The following WDR11 variants were observed in gnomAD, a reference collection of about 807,000 sequenced individuals.
WDR11 encodes the protein WD repeat-containing protein 11.
Under a neutral mutation model 151.2 loss-of-function variants are expected in WDR11, and 83 were observed. That is an observed-to-expected ratio of 0.55 (90% CI 0.46 to 0.66). The LOEUF is 0.66. WDR11 is among the 30% of genes least tolerant of loss of function. WDR11 has a pLI of 0.00. For synonymous variants in WDR11, 484 were observed against 533.1 expected, an observed-to-expected ratio of 0.91 and a Z score of 1.27; for missense variants, 1,301 against 1,480.9, an observed-to-expected ratio of 0.88 and a Z score of 1.99.
chr10:120,896,216 C>T (rs899248133), intron 19 of WDR11, among the ~76,000 whole-genome samples: 3 of 152,088 alleles, frequency 2.0e-5, no homozygotes, highest in African/African-American at 7.2e-5. Context: ...GTATAGCCTG[C>T]TTGTGTACAA....
At chr10:120,862,706 T>C (rs1206975588) in intron 4 of WDR11, 29 bp from the exon 5 acceptor site, 7 of 1,610,606 alleles carry the variant, frequency 4.3e-6, no homozygotes, top group Non-Finnish European at 5.9e-6. Context: ...CATTAAACTT[T>C]AATCAGAGTT....
chr10:120,908,385 C>CCT (rs1316534320), intron 28 of WDR11, 171 bp from the exon 29 acceptor site: 4 of 682,944 alleles, frequency 5.9e-6, no homozygotes, highest in African/African-American at 1.8e-5. Context: ...CGGGAATCAC[C>CCT]CTCTGCCCGC....
chr10:120,886,970 G>A lies in WDR11; in HGVS notation c.2121+134G>A, dbSNP rs985506159. 58 of 939,676 alleles carry A rather than the reference G, an allele frequency of 6.2e-5. 1 individual carries two copies. The highest frequency in any genetic ancestry group is 8.5e-5 in the Non-Finnish European group (52 of 609,252). 58.2% of individuals were successfully genotyped at this position (939,676 alleles called of 1,614,324 possible). ...AAACTTTATTTAAGGAGATATTATC[G>A]ATTAAACTTGTTCCATACTGCTAGA... On this transcript the variant is annotated intron_variant, in intron 16 of 28. Coordinates refer to ENST00000263461, the MANE Select transcript of WDR11 (RefSeq NM_018117.12).
At chr10:120,865,523 A>ATTTTTTTTT in intron 6 of WDR11, 107 bp from the exon 7 acceptor site, 2 of 762,446 alleles carry the variant, frequency 2.6e-6, no homozygotes, top group Non-Finnish European at 2.1e-6. Flanking sequence ...GGATTTGTCT[A>ATTTTTTTTT]TTTTTTTTTC....
At chr10:120,890,683 G>A in intron 18 of WDR11, 33 bp from the exon 19 acceptor site, 1 of 1,613,654 alleles carries the variant, frequency 6.2e-7, no homozygotes, top group South Asian at 1.1e-5. Flanking sequence ...TTCCTTTTCT[G>A]TCTGGAAGTG....
In WDR11 at chr10:120,878,441, C is replaced by T. The variant is rs755311447; in HGVS notation, c.1645C>T (p.Leu549=). ...GGGATTAGTGAGAAATGAACTTCAA[C>T]TGGTTGATCTTCCAACAGGTTTGTT... ...NMGLVRNELQ[L]VDLPTGRSIA... The change falls in exon 12 of 29, where the codon CTG becomes TTG. Residue 549 remains leucine (L), a synonymous_variant. Transcript: ENST00000263461. The T allele has an allele frequency of 6.2e-7, 1 of 1,612,958 alleles. No homozygotes were observed. The highest frequency in any genetic ancestry group is 1.1e-5 in the South Asian group (1 of 91,044).
chr10:120,860,215 G>T lies in WDR11; in HGVS notation c.459G>T (p.Trp153Cys). Residue 153 changes from tryptophan (W) to cysteine (C), a missense_variant, in exon 4 of 29, where the codon TGG (tryptophan) becomes TGT (cysteine). By Grantham distance (215) the Trp-to-Cys change is radical. Transcript: ENST00000263461. ...LWNADTGTKLWKKSYADNILS... is the reference protein window; with the variant it reads ...LWNADTGTKLCKKSYADNILS... ...ATGCCGACACTGGCACCAAACTATG[G>T]AAGAAGAGCTATGCAGATAACATTC... The T allele has an allele frequency of 6.2e-7, 1 of 1,614,056 alleles. No individual in the cohort carries two copies. Among genetic ancestry groups the T allele is most frequent in the East Asian group, 2.2e-5 (1 of 44,890 alleles).
intron 13 of WDR11, among the ~76,000 whole-genome samples, chr10:120,882,544 G>GTTTTTTTTTTT (rs367918882): frequency 1.7e-4 from 24 of 142,446 alleles, no homozygotes; most frequent in African/African-American, 5.7e-4. Context: ...ATTCAGTTTT[G>GTTTTTTTTTTT]TTTTTTTTTT....
intron 2 of WDR11, among the ~76,000 whole-genome samples, chr10:120,857,940 A>T (rs1393553670): frequency 6.6e-6 from 1 of 152,212 alleles, no homozygotes; most frequent in African/African-American, 2.4e-5. Flanking sequence ...TGCTTTGAAG[A>T]AAATAAGCAG....
At chr10:120,852,407 A>T (rs2133718215) in intron 1 of WDR11, 117 bp from the exon 2 acceptor site, 1 of 851,978 alleles carries the variant, frequency 1.2e-6, no homozygotes, top group African/African-American at 1.7e-5. Flanking sequence ...TTTGGGTTTA[A>T]ATGATTTTAT....
intron 12 of WDR11, 116 bp from the exon 13 acceptor site, chr10:120,880,710 A>C: frequency 1.1e-6 from 1 of 885,880 alleles, no homozygotes. Context: ...GGAAGAATGA[A>C]TAGGAGAACA....
At chr10:120,895,263 T>C (rs1051690257) in intron 19 of WDR11, among the ~76,000 whole-genome samples, 1 of 152,172 alleles carries the variant, frequency 6.6e-6, no homozygotes, top group Admixed American at 6.5e-5. Context: ...CCAACAACTA[T>C]CTACATGAAT....
chr10:120,871,731 C>T (rs988250460), intron 10 of WDR11, among the ~76,000 whole-genome samples: 1 of 152,122 alleles, frequency 6.6e-6, no homozygotes, highest in African/African-American at 2.4e-5. Context: ...AAAATATAGT[C>T]AGGGTTAATA....
At chr10:120,858,143 T>G (rs1846017380) in intron 2 of WDR11, among the ~76,000 whole-genome samples, 1 of 152,110 alleles carries the variant, frequency 6.6e-6, no homozygotes, top group Non-Finnish European at 1.5e-5. Context: ...ATTTTTTTTT[T>G]TTTAGAGAAA....
chr10:120,907,042 G>A (rs1564727843), intron 28 of WDR11, among the ~76,000 whole-genome samples, 187 bp downstream of exon 28: 1 of 152,180 alleles, frequency 6.6e-6, no homozygotes, highest in Non-Finnish European at 1.5e-5. Context: ...AGATAAGAAG[G>A]TGGCTGCACC....
chr10:120,856,365 A>G (rs997235251), intron 2 of WDR11, among the ~76,000 whole-genome samples: 3 of 152,076 alleles, frequency 2.0e-5, no homozygotes, highest in African/African-American at 7.2e-5. Flanking sequence ...ACCTGGGGTC[A>G]GGAGTTTGAG....
chr10:120,882,457 C>A (rs974116522), intron 13 of WDR11, among the ~76,000 whole-genome samples: 2 of 150,018 alleles, frequency 1.3e-5, no homozygotes, highest in Non-Finnish European at 3.0e-5. Flanking sequence ...TGATATTATT[C>A]TTACTAAATG....
At position 120,909,395 on chromosome 10, in the gene WDR11, C is replaced by A. The variant is rs928236328; in HGVS notation, c.*682C>A. 1 of 152,838 alleles carries A rather than the reference C, an allele frequency of 6.5e-6. No homozygotes were observed. Among genetic ancestry groups the A allele is most frequent in the African/African-American group, 2.4e-5 (1 of 41,432 alleles). The allele number at this position is 152,838 out of a possible 1,614,324, so 9.5% of individuals were successfully genotyped here. A position where few individuals can be genotyped will look rare whatever the true frequency, so the allele number is the denominator to read the frequency against. Reference sequence around the variant, plus strand: ...ATCACAGTAACCTCATTTTTGAAGTCTTTCTTTGTACTTTAATGTTCTCTC... The same window carrying A: ...ATCACAGTAACCTCATTTTTGAAGTATTTCTTTGTACTTTAATGTTCTCTC... On this transcript the variant is annotated 3_prime_UTR_variant, in exon 29 of 29. Coordinates refer to ENST00000263461, the MANE Select transcript of WDR11 (RefSeq NM_018117.12).
Position 120,889,095 on chromosome 10 carries a change from T to G in WDR11, c.2139T>G (p.Ile713Met), listed in dbSNP as rs1847326714. ...TTTTCTAGGGAAGTATGGGTAGTAT[T>G]ACCTGCATCGCTTGGAAAGGTGATA... Reference protein sequence around the residue: ...RIPPDGSMGSITCIAWKGDTL... With the variant: ...RIPPDGSMGSMTCIAWKGDTL... Residue 713 changes from isoleucine to methionine, a missense_variant, in exon 17 of 29, where the codon ATT (isoleucine) becomes ATG (methionine). By Grantham distance (10) the Ile-to-Met change is conservative. This residue lies in a region of WDR11 where 589 missense variants were observed against 670.6 expected (regional missense o/e 0.88). Coordinates refer to ENST00000263461, the MANE Select transcript of WDR11 (RefSeq NM_018117.12). 2.5e-6 allele frequency: 4 copies of G among 1,613,384 alleles called. No homozygotes were observed. Among genetic ancestry groups the G allele is most frequent in the Non-Finnish European group, 3.4e-6 (4 of 1,179,472 alleles).
Sources: gnomAD v4.1 joint callset for allele counts (sites outside exome capture counted in the v4.1 genomes callset) on GRCh38, gnomAD v4.1.1 for gene constraint, gnomAD v4.1.1 regional missense constraint, MANE v1.5 for transcripts, NCBI Gene and HGNC (gene_info 2026-07-23, HGNC 2026-07-21) for gene names.